RAPGEF4: variants seen among roughly 807,000 people sequenced by gnomAD.
RAPGEF4 encodes Rap guanine nucleotide exchange factor 4.
RAPGEF4 carries 66 observed loss-of-function variants against 147.9 expected under a neutral mutation model. The observed-to-expected ratio is 0.45, with a 90% CI of 0.37 to 0.55. The LOEUF (loss-of-function observed/expected upper bound fraction) is 0.55. RAPGEF4 is among the 20% of genes least tolerant of loss of function. The pLI is 0.00. For missense variants in RAPGEF4, 1,071 were observed against 1,257.3 expected, an observed-to-expected ratio of 0.85 and a Z score of 2.24; for synonymous variants, 419 against 442.7, an observed-to-expected ratio of 0.95 and a Z score of 0.67.
intron 3 of RAPGEF4, 84 bp downstream of exon 3, chr2:172,797,697 C>T: frequency 9.6e-7 from 1 of 1,041,162 alleles, no homozygotes; most frequent in Non-Finnish European, 1.4e-6. Context: ...ATTAAAATTA[C>T]ATTTTCAAGT....
chr2:173,047,636 ATTT>A (rs1471836967), intron 29 of RAPGEF4, among the ~76,000 whole-genome samples: 1 of 151,668 alleles, frequency 6.6e-6, no homozygotes, highest in Non-Finnish European at 1.5e-5. Flanking sequence ...ATTCTAAGTG[ATTT>A]TTACTTTGCT....
At chr2:172,843,080 T>A (rs1169033418) in intron 4 of RAPGEF4, among the ~76,000 whole-genome samples, 1 of 152,204 alleles carries the variant, frequency 6.6e-6, no homozygotes, top group Non-Finnish European at 1.5e-5. Flanking sequence ...ACTAGAATGA[T>A]CTGGTTGGAG....
At chr2:172,762,077 G>A (rs1283049375) in intron 1 of RAPGEF4, among the ~76,000 whole-genome samples, 18 of 152,262 alleles carry the variant, frequency 1.2e-4, no homozygotes, top group Admixed American at 7.8e-4. Flanking sequence ...AGCCAAGATC[G>A]TGCCATGGCA....
rs982971232 is a variant in RAPGEF4, at chr2:172,736,022, C to T, written c.39C>T (p.Ala13=). The T allele has an allele frequency of 3.4e-6, 5 of 1,475,916 alleles. No homozygotes were observed. Among genetic ancestry groups the T allele is most frequent in the Non-Finnish European group, 4.5e-6 (5 of 1,112,612 alleles). 91.4% of individuals were successfully genotyped at this position (1,475,916 alleles called of 1,614,324 possible). ...AAHAAHSSSS[A]EWIACLDKRP... is the part of the protein sequence containing the mutation. ...ACGCTGCCCATTCTTCCTCCTCTGCCGAGTGGATCGCCTGCCTGGATAAAA... is the reference window on the plus strand; with the variant it reads ...ACGCTGCCCATTCTTCCTCCTCTGCTGAGTGGATCGCCTGCCTGGATAAAA... The change falls in exon 1 of 31, where the codon GCC becomes GCT. Residue 13 remains alanine, a synonymous_variant. Transcript: ENST00000397081.
intron 17 of RAPGEF4, among the ~76,000 whole-genome samples, chr2:173,007,036 A>G (rs757391767): frequency 3.3e-5 from 5 of 152,212 alleles, no homozygotes; most frequent in Non-Finnish European, 5.9e-5. Context: ...AAAATATTTC[A>G]TATACATGTT....
intron 6 of RAPGEF4, among the ~76,000 whole-genome samples, chr2:172,952,555 C>G (rs558784894): frequency 6.6e-6 from 1 of 152,172 alleles, no homozygotes; most frequent in African/African-American, 2.4e-5. Flanking sequence ...TTCTACTACT[C>G]AAATGCAGAT....
intron 8 of RAPGEF4, 176 bp from the exon 9 acceptor site, chr2:172,965,386 C>G: frequency 2.8e-6 from 2 of 716,756 alleles, no homozygotes. Flanking sequence ...GCTTTTTTGG[C>G]TTGTATTAGC....
At chr2:172,805,481 G>A (rs750955370) in intron 3 of RAPGEF4, among the ~76,000 whole-genome samples, 6 of 152,068 alleles carry the variant, frequency 3.9e-5, no homozygotes, top group East Asian at 1.9e-4. Flanking sequence ...ACCACTATGC[G>A]TAATTATCAG....
At position 172,952,657 on chromosome 2, in the gene RAPGEF4, TA is replaced by T. The variant is rs1306351142; in HGVS notation, c.538-8099del. On this transcript the variant is annotated intron_variant, in intron 6 of 30. Coordinates refer to ENST00000397081, the MANE Select transcript of RAPGEF4 (RefSeq NM_007023.4). ...AAAAAATGAACTACTTTGTAAGATC[TA>T]AAAGAGAACCATTCTTACTGGTAAG... is the stretch of plus-strand genomic sequence containing the variant. Among the ~76,000 whole-genome samples, 3 of 152,210 alleles carry T rather than the reference TA, an allele frequency of 2.0e-5. No homozygotes were observed. The East Asian group carries it at 5.8e-4, about 29-fold the overall frequency.
At chr2:172,863,472 C>T (rs2051752964) in intron 4 of RAPGEF4, among the ~76,000 whole-genome samples, 1 of 151,950 alleles carries the variant, frequency 6.6e-6, no homozygotes, top group South Asian at 2.1e-4. Context: ...TTTAAGTTTT[C>T]CTGAGTTAAA....
rs578245669 is a variant in RAPGEF4, at chr2:172,897,074, G to C, written c.445-20728G>C. Among the ~76,000 whole-genome samples, 275 of 152,198 alleles carry C rather than the reference G, an allele frequency of 1.8e-3. 2 individuals carry two copies. The highest frequency in any genetic ancestry group is 6.4e-3 in the African/African-American group (266 of 41,530). On this transcript the variant is annotated intron_variant, in intron 4 of 30. Coordinates refer to ENST00000397081, the MANE Select transcript of RAPGEF4 (RefSeq NM_007023.4). ...AAATGGCTTTCCTGCATCTTTTTCT[G>C]ATCCCTCCCTCTGACAACCAGGAGA...
chr2:173,027,433 A>G (rs982369828), intron 25 of RAPGEF4, among the ~76,000 whole-genome samples, 174 bp downstream of exon 25: 1 of 152,102 alleles, frequency 6.6e-6, no homozygotes, highest in Admixed American at 6.5e-5. Context: ...ATTTTGTAGC[A>G]TTTAACATCA....
chr2:172,801,650 G>A (rs1308691958), intron 3 of RAPGEF4, among the ~76,000 whole-genome samples: 1 of 132,430 alleles, frequency 7.6e-6, no homozygotes, highest in Non-Finnish European at 1.7e-5. Flanking sequence ...CTTGCCCAAG[G>A]TCATAAAGCT....
intron 1 of RAPGEF4, among the ~76,000 whole-genome samples, chr2:172,741,597 A>T (rs1055417808): frequency 2.6e-5 from 4 of 152,274 alleles, no homozygotes; most frequent in Admixed American, 2.6e-4. Context: ...TTTGAAAAAA[A>T]AACTAACATC....
intron 1 of RAPGEF4, among the ~76,000 whole-genome samples, chr2:172,780,193 A>C (rs1258138923): frequency 4.6e-5 from 7 of 152,224 alleles, no homozygotes; most frequent in Non-Finnish European, 1.0e-4. Context: ...GTTTATTAAC[A>C]TGTATTTCAT....
At chr2:172,970,044 T>C (rs1280732499) in intron 10 of RAPGEF4, among the ~76,000 whole-genome samples, 1 of 152,186 alleles carries the variant, frequency 6.6e-6, no homozygotes, top group African/African-American at 2.4e-5. Context: ...AACGTTGGAA[T>C]TGGGCTGGCA....
chr2:173,030,696 A>G (rs1697112887), intron 26 of RAPGEF4, among the ~76,000 whole-genome samples: 1 of 152,222 alleles, frequency 6.6e-6, no homozygotes, highest in African/African-American at 2.4e-5. Context: ...TCTGGAAGGA[A>G]GAGCCAGGAA....
At chr2:172,742,833 C>T (rs567803617) in intron 1 of RAPGEF4, among the ~76,000 whole-genome samples, 72 of 152,330 alleles carry the variant, frequency 4.7e-4, no homozygotes, top group African/African-American at 1.7e-3. Flanking sequence ...GCTCAATCCA[C>T]ACCCTTGACC....
chr2:172,757,596 T>G (rs1695899346), intron 1 of RAPGEF4, among the ~76,000 whole-genome samples: 1 of 152,204 alleles, frequency 6.6e-6, no homozygotes, highest in Non-Finnish European at 1.5e-5. Context: ...GTAACTAAAT[T>G]TATTGGAGCT....
Sources: allele counts gnomAD v4.1 joint callset (sites outside exome capture counted in the v4.1 genomes callset), GRCh38; gene constraint gnomAD v4.1.1; transcripts MANE v1.5; gene names NCBI Gene and HGNC (gene_info 2026-07-23, HGNC 2026-07-21).